Variants in KIAA1217 observed in about 807,000 individuals in gnomAD.
The protein encoded by KIAA1217 is KIAA1217.
In KIAA1217, 88 loss-of-function variants were observed where a neutral mutation model predicts 163.9. The ratio of observed to expected loss-of-function variants is 0.54; its 90% CI spans 0.45 to 0.64. KIAA1217 has a LOEUF of 0.64. Ranked by LOEUF, KIAA1217 falls within the 30% of genes least tolerant of loss-of-function variation. The probability of loss-of-function intolerance (pLI) is 0.00; values close to 1 mark genes in which losing one functional copy is unlikely to be tolerated. For synonymous variants in KIAA1217, 903 were observed against 923.1 expected, an observed-to-expected ratio of 0.98 and a Z score of 0.39; for missense variants, 2,372 against 2,475.0, an observed-to-expected ratio of 0.96 and a Z score of 0.88.
chr10:23,956,889 C>T (rs1325227290), intron 1 of KIAA1217, among the ~76,000 whole-genome samples: 1 of 152,172 alleles, frequency 6.6e-6, no homozygotes, highest in Non-Finnish European at 1.5e-5. Context: ...TCCCCATCCC[C>T]AAATACCTCC....
chr10:24,389,060 T>C (rs1355884126), intron 3 of KIAA1217, among the ~76,000 whole-genome samples: 1 of 152,138 alleles, frequency 6.6e-6, no homozygotes, highest in East Asian at 1.9e-4. Flanking sequence ...ACTGGGCATA[T>C]ATCCAAAGGA....
At chr10:23,866,939 G>A (rs942221786) in intron 1 of KIAA1217, among the ~76,000 whole-genome samples, 2 of 151,044 alleles carry the variant, frequency 1.3e-5, no homozygotes, top group African/African-American at 4.9e-5. Flanking sequence ...ATGCTGGTGT[G>A]CTGCACCCAT....
At chr10:24,468,864 A>G (rs1178603494) in intron 5 of KIAA1217, among the ~76,000 whole-genome samples, 1 of 152,186 alleles carries the variant, frequency 6.6e-6, no homozygotes, top group Non-Finnish European at 1.5e-5. Flanking sequence ...TCTCATCTAT[A>G]CATACCACTA....
intron 2 of KIAA1217, among the ~76,000 whole-genome samples, chr10:24,202,703 C>T (rs1017338928): frequency 1.3e-5 from 2 of 152,168 alleles, no homozygotes; most frequent in Non-Finnish European, 2.9e-5. Context: ...CCCTGCCCCC[C>T]AGGGAGGTCC....
intron 1 of KIAA1217, among the ~76,000 whole-genome samples, chr10:23,857,124 A>C (rs1374125054): frequency 3.3e-5 from 5 of 152,250 alleles, no homozygotes; most frequent in Non-Finnish European, 7.3e-5. Flanking sequence ...GGAGCTGTAG[A>C]CTGGAGCTGT....
At chr10:24,433,236 G>A in intron 4 of KIAA1217, 43 bp downstream of exon 4, 1 of 1,466,378 alleles carries the variant, frequency 6.8e-7, no homozygotes, top group Non-Finnish European at 9.3e-7. Flanking sequence ...TTGCCTTAGA[G>A]TTTTTTTTGT....
chr10:24,404,592 A>T (rs1358659683), intron 3 of KIAA1217, among the ~76,000 whole-genome samples: 4 of 150,024 alleles, frequency 2.7e-5, no homozygotes, highest in East Asian at 4.0e-4. Context: ...AAAAAAAAAA[A>T]ACTGAAAATG....
At chr10:24,429,704 G>C (rs1401503832) in intron 3 of KIAA1217, among the ~76,000 whole-genome samples, 1 of 152,080 alleles carries the variant, frequency 6.6e-6, no homozygotes, top group Non-Finnish European at 1.5e-5. Flanking sequence ...ATTTGTGTTA[G>C]AAGCTTCTAT....
chr10:24,307,882 T>G lies in KIAA1217; in HGVS notation c.355-72987T>G, dbSNP rs554592411. 9.2e-5 allele frequency among the ~76,000 whole-genome samples: 14 copies of G among 152,322 alleles called. No individual in the cohort carries two copies. In the South Asian group the frequency reaches 2.9e-3, roughly 32 times the overall value. ...TCATTGTGGAGGCAAAACTCCCGCA[T>G]AGCTGCCAAAATAACTGCTGAGTGC... is the stretch of plus-strand genomic sequence containing the variant. On this transcript the variant is annotated intron_variant, in intron 2 of 20. Coordinates refer to ENST00000376454, the MANE Select transcript of KIAA1217 (RefSeq NM_019590.5).
At chr10:24,010,540 C>A (rs1239736151) in intron 2 of KIAA1217, among the ~76,000 whole-genome samples, 2 of 151,472 alleles carry the variant, frequency 1.3e-5, no homozygotes, top group Admixed American at 1.3e-4. Flanking sequence ...GTAGATCTTC[C>A]CCCCCTTCAA....
intron 14 of KIAA1217, among the ~76,000 whole-genome samples, chr10:24,529,207 G>T (rs1461949770): frequency 6.6e-6 from 1 of 152,106 alleles, no homozygotes; most frequent in African/African-American, 2.4e-5. Context: ...TGGGAGATTA[G>T]TTCCAGGACT....
chr10:23,858,627 T>G (rs191528327), intron 1 of KIAA1217, among the ~76,000 whole-genome samples: 2 of 152,114 alleles, frequency 1.3e-5, no homozygotes, highest in Admixed American at 6.5e-5. Flanking sequence ...GTTAGTATAA[T>G]CATAAGTCTA....
chr10:23,770,550 A>C (rs1319416663), intron 1 of KIAA1217, among the ~76,000 whole-genome samples: 1 of 152,184 alleles, frequency 6.6e-6, no homozygotes, highest in East Asian at 1.9e-4. Flanking sequence ...CAACGTTGCT[A>C]CATTGGCCCC....
chr10:24,373,168 C>T (rs76882762), intron 2 of KIAA1217, among the ~76,000 whole-genome samples: 1 of 152,154 alleles, frequency 6.6e-6, no homozygotes, highest in East Asian at 1.9e-4. Context: ...GTGTGAGCAC[C>T]TGGTTCCACC....
intron 2 of KIAA1217, among the ~76,000 whole-genome samples, chr10:24,169,449 C>T (rs1454172810): frequency 6.9e-6 from 1 of 145,580 alleles, no homozygotes; most frequent in Admixed American, 7.1e-5. Context: ...TTCTTCACTG[C>T]ATTGACCACT....
intron 2 of KIAA1217, chr10:24,239,364 A>G (rs2131262618): frequency 1.1e-6 from 1 of 919,000 alleles, no homozygotes; most frequent in Non-Finnish European, 1.3e-6. Context: ...TTTTTCTTCC[A>G]AGTTTTTGCC....
chr10:24,254,096 A>G (rs561334420), intron 2 of KIAA1217, among the ~76,000 whole-genome samples: 2 of 152,258 alleles, frequency 1.3e-5, no homozygotes, highest in Admixed American at 6.5e-5. Flanking sequence ...CTCTCAATTG[A>G]AAAGAAAGAA....
At chr10:23,694,781 A>T (rs1465173965) in exon 1 of KIAA1217, 1 of 152,638 alleles carries the variant, frequency 6.6e-6, no homozygotes, top group Non-Finnish European at 1.5e-5. Context: ...AGCAAGCGGG[A>T]GGCGCACTGG....
chr10:24,259,791 CAGTCCTTCT>C (rs959076099), intron 2 of KIAA1217, among the ~76,000 whole-genome samples: 7 of 152,150 alleles, frequency 4.6e-5, no homozygotes, highest in Admixed American at 6.5e-5. Flanking sequence ...TCACTCCTCT[CAGTCCTTCT>C]CTACCACATA....
Sources: allele counts gnomAD v4.1 joint callset (sites outside exome capture counted in the v4.1 genomes callset), GRCh38; gene constraint gnomAD v4.1.1; transcripts MANE v1.5; gene names NCBI Gene and HGNC (gene_info 2026-07-23, HGNC 2026-07-21).